Variants in SV2C observed in about 807,000 individuals in gnomAD.
SV2C encodes solute carrier family 22 member B3.
In SV2C, 49 loss-of-function variants were observed where a neutral mutation model predicts 79.7. The ratio of observed to expected loss-of-function variants is 0.61; its 90% CI spans 0.49 to 0.78. SV2C has a LOEUF of 0.78. Among genes scored for constraint, SV2C ranks in the 30% least tolerant of loss-of-function variants. SV2C has a pLI of 0.00. For missense variants in SV2C, 833 were observed against 912.9 expected (o/e 0.91, Z 1.13); for synonymous variants, 334 against 333.2 (o/e 1.00, Z -0.03).
chr5:76,084,675 G>A (rs1266378946), intron 1 of SV2C, among the ~76,000 whole-genome samples: 54 of 137,432 alleles, frequency 3.9e-4, no homozygotes, highest in East Asian at 1.6e-3. Flanking sequence ...TGATGCAAAT[G>A]CAGACCCGCG....
intron 1 of SV2C, among the ~76,000 whole-genome samples, chr5:76,084,510 C>T (rs1015741022): frequency 2.6e-4 from 39 of 151,334 alleles, no homozygotes; most frequent in Admixed American, 4.6e-4. Flanking sequence ...CAGCCAGCAC[C>T]CCACGGCAGA....
the SV2C span, among the ~76,000 whole-genome samples, chr5:75,918,184 CA>C: frequency 6.6e-6 from 1 of 152,086 alleles, no homozygotes; most frequent in Non-Finnish European, 1.5e-5. Flanking sequence ...GTCACAGAAC[CA>C]GTTATTCGCA....
At chr5:75,875,833 A>G in the SV2C span, among the ~76,000 whole-genome samples, 1 of 152,184 alleles carries the variant, frequency 6.6e-6, no homozygotes, top group African/African-American at 2.4e-5. Flanking sequence ...AAAGCTCAAT[A>G]TCACTGATCA....
rs374167766 is a variant in SV2C at position 76,263,576 on chromosome 5, T to C, written c.914-21586T>C. On this transcript the variant is annotated intron_variant, in intron 4 of 12. Coordinates refer to ENST00000502798, the MANE Select transcript of SV2C (RefSeq NM_014979.4). ...CATGGTGTTGATGGTCTTTACAATT[T>C]GGTATGTTGTTGCAGTGGCTGGTAC... 3.3e-5 allele frequency among the ~76,000 whole-genome samples: 5 copies of C among 152,220 alleles called. No homozygotes were observed. The East Asian group carries it at 7.7e-4, about 23-fold the overall frequency.
the SV2C span, among the ~76,000 whole-genome samples, chr5:75,918,744 T>G: frequency 6.6e-6 from 1 of 152,178 alleles, no homozygotes; most frequent in Non-Finnish European, 1.5e-5. Flanking sequence ...GAGTGATAGA[T>G]ATCCCAAGTG....
At chr5:76,019,694 G>T in the SV2C span, among the ~76,000 whole-genome samples, 2 of 152,020 alleles carry the variant, frequency 1.3e-5, no homozygotes, top group Admixed American at 6.6e-5. Context: ...TGTCTTGTAC[G>T]CATGAATGAG....
At chr5:76,142,946 T>C (rs1017203025) in intron 2 of SV2C, among the ~76,000 whole-genome samples, 2 of 150,992 alleles carry the variant, frequency 1.3e-5, no homozygotes, top group African/African-American at 4.9e-5. Context: ...CAGGCTAGAG[T>C]GCAGTGGTGC....
the SV2C span, among the ~76,000 whole-genome samples, chr5:76,020,414 G>A: frequency 7.2e-5 from 11 of 152,122 alleles, no homozygotes; most frequent in East Asian, 1.9e-4. Context: ...CATTCTGTCC[G>A]TGCTCTACTA....
intron 4 of SV2C, among the ~76,000 whole-genome samples, chr5:76,220,575 G>C (rs1226935873): frequency 1.4e-5 from 2 of 146,930 alleles, no homozygotes; most frequent in Non-Finnish European, 3.0e-5. Flanking sequence ...GTGAGGCCAA[G>C]GCACCAGAAT....
At chr5:76,190,365 C>T in intron 2 of SV2C, among the ~76,000 whole-genome samples, 1 of 152,108 alleles carries the variant, frequency 6.6e-6, no homozygotes, top group Non-Finnish European at 1.5e-5. Flanking sequence ...GAGGGATCTA[C>T]CGCCATATCA....
chr5:76,038,353 C>G, the SV2C span, among the ~76,000 whole-genome samples: 1 of 152,182 alleles, frequency 6.6e-6, no homozygotes, highest in Non-Finnish European at 1.5e-5. Context: ...GGAAAGTGCT[C>G]TAAAAGTGGG....
At chr5:76,149,743 G>A (rs1749544213) in intron 2 of SV2C, among the ~76,000 whole-genome samples, 1 of 152,070 alleles carries the variant, frequency 6.6e-6, no homozygotes, top group African/African-American at 2.4e-5. Context: ...AGTGGATATT[G>A]GCTTATTTAT....
At chr5:76,336,570 G>A (rs547150791), downstream of SV2C, among the ~76,000 whole-genome samples, 4 of 152,236 alleles carry the variant, frequency 2.6e-5, no homozygotes, top group Admixed American at 6.5e-5. Flanking sequence ...GCAGTGAGCC[G>A]AGACCACGCC....
At chr5:75,987,319 T>C in the SV2C span, among the ~76,000 whole-genome samples, 42,390 of 151,862 alleles carry the variant, frequency 0.28, 7,047 homozygotes, top group Middle Eastern at 0.41. Context: ...GTGAAATGTA[T>C]ACAGAAGTCT....
chr5:76,317,514 C>T (rs76961800), intron 12 of SV2C, among the ~76,000 whole-genome samples: 4,569 of 152,104 alleles, frequency 0.03, 231 homozygotes, highest in African/African-American at 0.11. Flanking sequence ...TCTGGATCTA[C>T]ACCATTTCAG....
the SV2C span, among the ~76,000 whole-genome samples, chr5:75,997,831 C>A: frequency 1.3e-5 from 2 of 151,958 alleles, no homozygotes; most frequent in African/African-American, 4.8e-5. Context: ...CCCAGCCATC[C>A]CATTACGGGG....
chr5:75,973,497 G>GA, the SV2C span, among the ~76,000 whole-genome samples: 1 of 143,322 alleles, frequency 7.0e-6, no homozygotes, highest in East Asian at 2.0e-4. Context: ...TGCCTCAAAA[G>GA]AAAAAAAGAA....
At chr5:75,936,011 A>C in the SV2C span, among the ~76,000 whole-genome samples, 1 of 152,354 alleles carries the variant, frequency 6.6e-6, no homozygotes, top group South Asian at 2.1e-4. Context: ...TGTAGCATCA[A>C]GTTATGCTAA....
chr5:76,334,588 C>T (rs1009442666), downstream of SV2C, among the ~76,000 whole-genome samples: 1 of 152,156 alleles, frequency 6.6e-6, no homozygotes, highest in African/African-American at 2.4e-5. Context: ...GCTTTTGTCC[C>T]CCTATGGGCA....
Sources: allele counts gnomAD v4.1 joint callset (sites outside exome capture counted in the v4.1 genomes callset), GRCh38; gene constraint gnomAD v4.1.1; transcripts MANE v1.5; gene names NCBI Gene and HGNC (gene_info 2026-07-23, HGNC 2026-07-21).